PCCA: variants seen among roughly 807,000 people sequenced by gnomAD.
PCCA encodes the protein propionyl-CoA carboxylase alpha chain, mitochondrial.
Under a neutral mutation model 101.3 loss-of-function variants are expected in PCCA, and 74 were observed. The observed-to-expected ratio is 0.73, with a 90% confidence interval of 0.61 to 0.89. The LOEUF (loss-of-function observed/expected upper bound fraction) is 0.89, where lower values mean the gene tolerates loss of function less well. Among genes scored for constraint, PCCA ranks in the 40% least tolerant of loss-of-function variants. The pLI is 0.00. For synonymous variants in PCCA, 294 were observed against 313.6 expected (o/e 0.94, Z 0.66); for missense variants, 891 against 907.0 (o/e 0.98, Z 0.23).
intron 18 of PCCA, among the ~76,000 whole-genome samples, chr13:100,356,717 A>G (rs2073995930): frequency 6.6e-6 from 1 of 152,190 alleles, no homozygotes; most frequent in African/African-American, 2.4e-5. Flanking sequence ...TTCCTGGTAT[A>G]TACCCAAGGG....
At chr13:100,450,175 G>T (rs1022480700) in intron 21 of PCCA, among the ~76,000 whole-genome samples, 1 of 152,066 alleles carries the variant, frequency 6.6e-6, no homozygotes, top group Non-Finnish European at 1.5e-5. Flanking sequence ...CCAAGGTCAG[G>T]AGTTTGAGAC....
At chr13:100,142,050 A>G (rs905367450) in intron 4 of PCCA, among the ~76,000 whole-genome samples, 2 of 150,510 alleles carry the variant, frequency 1.3e-5, no homozygotes, top group Admixed American at 1.3e-4. Context: ...ATTTTTTCTG[A>G]TCTTTTTATT....
At chr13:100,402,963 T>G (rs2077455921) in intron 19 of PCCA, among the ~76,000 whole-genome samples, 1 of 152,046 alleles carries the variant, frequency 6.6e-6, no homozygotes, top group African/African-American at 2.4e-5. Context: ...TTGTGACCAT[T>G]AGTACAGAAG....
intron 19 of PCCA, among the ~76,000 whole-genome samples, chr13:100,417,319 C>G (rs1017326539): frequency 6.6e-6 from 1 of 152,194 alleles, no homozygotes; most frequent in Non-Finnish European, 1.5e-5. Context: ...AGCATTTAGC[C>G]TTTAAGTGAC....
At chr13:100,380,894 T>TA (rs1463791600) in intron 19 of PCCA, among the ~76,000 whole-genome samples, 1 of 152,074 alleles carries the variant, frequency 6.6e-6, no homozygotes, top group African/African-American at 2.4e-5. Flanking sequence ...AACTTAACAA[T>TA]AAAAAACAGC....
At chr13:100,191,648 T>A (rs760036093) in intron 6 of PCCA, among the ~76,000 whole-genome samples, 6 of 152,202 alleles carry the variant, frequency 3.9e-5, no homozygotes, top group South Asian at 2.1e-4. Context: ...AGAATATAAT[T>A]TAAAATCCTG....
chr13:100,520,580 A>C (rs2087181005), intron 22 of PCCA, among the ~76,000 whole-genome samples: 3 of 134,568 alleles, frequency 2.2e-5, no homozygotes, highest in African/African-American at 8.4e-5. Context: ...GCTTGCAGTG[A>C]GCGGAGATCG....
intron 12 of PCCA, among the ~76,000 whole-genome samples, chr13:100,297,147 G>A (rs534375145): frequency 9.8e-5 from 15 of 152,340 alleles, no homozygotes; most frequent in Non-Finnish European, 1.2e-4. Context: ...TTGGTAGCAC[G>A]AAGTGCCTCT....
At chr13:100,192,853 C>G (rs565664377) in intron 6 of PCCA, among the ~76,000 whole-genome samples, 2 of 152,322 alleles carry the variant, frequency 1.3e-5, no homozygotes, top group South Asian at 4.1e-4. Flanking sequence ...TTGTTGGACT[C>G]TGTTCACCGT....
intron 4 of PCCA, among the ~76,000 whole-genome samples, chr13:100,137,050 A>AT (rs969634133): frequency 8.6e-5 from 13 of 150,502 alleles, no homozygotes; most frequent in African/African-American, 2.4e-4. Context: ...TGCATCTAAT[A>AT]TTTTTTTTTA....
chr13:100,336,450 C>T (rs910951389), intron 17 of PCCA, among the ~76,000 whole-genome samples: 9 of 152,158 alleles, frequency 5.9e-5, no homozygotes, highest in Admixed American at 3.9e-4. Flanking sequence ...AGTGGCATGT[C>T]ACAAAGCTTG....
rs541471063 is a variant in PCCA, at chr13:100,151,496, G to C, written c.301-3483G>C. ...ATCCCAGCTACTTGGGAAGGCTGAG[G>C]CAGGAGAATCGCTTGAACCTGGGAG... On this transcript the variant is annotated intron_variant, in intron 4 of 23. Coordinates refer to ENST00000376285, the MANE Select transcript of PCCA (RefSeq NM_000282.4). Among the ~76,000 whole-genome samples, 101 of 152,156 alleles carry C rather than the reference G, an allele frequency of 6.6e-4. 1 individual carries two copies. The highest frequency in any genetic ancestry group is 2.2e-3 in the African/African-American group (93 of 41,508).
chr13:100,208,055 A>G (rs886488001), intron 6 of PCCA, among the ~76,000 whole-genome samples: 3 of 152,074 alleles, frequency 2.0e-5, no homozygotes, highest in Non-Finnish European at 4.4e-5. Context: ...GGACTTGTCT[A>G]ATAACCCCTA....
intron 20 of PCCA, among the ~76,000 whole-genome samples, chr13:100,438,392 C>T (rs772985903): frequency 8.6e-5 from 13 of 151,956 alleles, no homozygotes; most frequent in Non-Finnish European, 1.3e-4. Flanking sequence ...GTGATCATCC[C>T]GCCTCTGCTT....
intron 10 of PCCA, among the ~76,000 whole-genome samples, chr13:100,264,674 A>G (rs910013507): frequency 2.6e-5 from 4 of 152,106 alleles, no homozygotes; most frequent in Non-Finnish European, 5.9e-5. Context: ...TATTAGAAAT[A>G]AATTGCTGTG....
At chr13:100,117,610 CTGTGTCCTGT>C (rs1252524619) in intron 4 of PCCA, among the ~76,000 whole-genome samples, 1 of 151,288 alleles carries the variant, frequency 6.6e-6, no homozygotes, top group African/African-American at 2.4e-5. Flanking sequence ...ACATCACACA[CTGTGTCCTGT>C]TGTGGGGTTG....
At chr13:100,119,155 T>C (rs1319049060) in intron 4 of PCCA, among the ~76,000 whole-genome samples, 3 of 152,188 alleles carry the variant, frequency 2.0e-5, no homozygotes, top group African/African-American at 7.2e-5. Context: ...CTGCTCCTTT[T>C]TGAATCTGCC....
rs1207246444 is a variant in PCCA, at chr13:100,368,549, C to G, written c.1721C>G (p.Ala574Gly). 2 of 1,606,862 alleles carry G rather than the reference C, an allele frequency of 1.2e-6. No individual in the cohort carries two copies. The highest frequency in any genetic ancestry group is 1.7e-6 in the Non-Finnish European group (2 of 1,173,968). The change falls in exon 19 of 24, where the codon GCA becomes GGA. Residue 574 changes from alanine to glycine, a missense_variant. By Grantham distance (60) the Ala-to-Gly change is moderately conservative (BLOSUM62 0). Coordinates refer to ENST00000376285, the MANE Select transcript of PCCA (RefSeq NM_000282.4). ...KLHDKVHTVV[A>G]SNNGSVFSVE... ...CATGATAAAGTTCATACCGTAGTAG[C>G]ATCAAACAATGGGTCAGTGTTCTCG...
chr13:100,280,335 A>C (rs1175540949), intron 12 of PCCA, among the ~76,000 whole-genome samples: 1 of 149,018 alleles, frequency 6.7e-6, no homozygotes, highest in Non-Finnish European at 1.5e-5. Context: ...TTTTTCCCCC[A>C]GAGTCCTGTT....
Sources: gnomAD v4.1 joint callset for allele counts (sites outside exome capture counted in the v4.1 genomes callset) on GRCh38, gnomAD v4.1.1 for gene constraint, MANE v1.5 for transcripts, NCBI Gene and HGNC (gene_info 2026-07-23, HGNC 2026-07-21) for gene names.